SPECC1L: variants seen among roughly 807,000 people sequenced by gnomAD.
SPECC1L encodes the protein sperm antigen with calponin homology and coiled-coil domains 1 like.
SPECC1L carries 40 observed loss-of-function variants against 116.8 expected under a neutral mutation model. The observed-to-expected ratio is 0.34, with a 90% CI of 0.27 to 0.45. The LOEUF is 0.45. Among genes scored for constraint, SPECC1L ranks in the 20% least tolerant of loss-of-function variants. The pLI is 1.00. For missense variants in SPECC1L, 1,110 were observed against 1,373.6 expected, an observed-to-expected ratio of 0.81 and a Z score of 3.03; for synonymous variants, 504 against 500.6, an observed-to-expected ratio of 1.01 and a Z score of -0.09.
At chr22:24,329,980 A>G (rs1235392617) in intron 7 of SPECC1L, among the ~76,000 whole-genome samples, 1 of 152,198 alleles carries the variant, frequency 6.6e-6, no homozygotes, top group Non-Finnish European at 1.5e-5. Flanking sequence ...GAAGCTTGAC[A>G]TTATTATCAT....
At chr22:24,327,831 G>T (rs1242477239) in intron 6 of SPECC1L, among the ~76,000 whole-genome samples, 1 of 152,212 alleles carries the variant, frequency 6.6e-6, no homozygotes, top group Non-Finnish European at 1.5e-5. Context: ...GGTCGAGACA[G>T]ATGTGTCGAG....
At chr22:24,286,886 C>CTACAAA (rs1487089523) in intron 2 of SPECC1L, among the ~76,000 whole-genome samples, 2 of 152,050 alleles carry the variant, frequency 1.3e-5, no homozygotes, top group Non-Finnish European at 2.9e-5. Flanking sequence ...CCAGCCTGGG[C>CTACAAA]TACAAAGCGA....
At chr22:24,342,672 C>CAAAAAA (rs35947804) in intron 10 of SPECC1L, among the ~76,000 whole-genome samples, 5 of 102,144 alleles carry the variant, frequency 4.9e-5, no homozygotes, top group African/African-American at 7.2e-5. Flanking sequence ...GACTCCATCT[C>CAAAAAA]AAAAAAAAAA....
intron 14 of SPECC1L, among the ~76,000 whole-genome samples, chr22:24,408,094 C>T (rs1279121910): frequency 1.3e-5 from 2 of 151,758 alleles, no homozygotes; most frequent in Admixed American, 1.3e-4. Flanking sequence ...GTACTGCTCA[C>T]AGGATGCCTA....
chr22:24,405,256 C>CT (rs1556313548), intron 14 of SPECC1L, among the ~76,000 whole-genome samples: 2 of 152,066 alleles, frequency 1.3e-5, no homozygotes, highest in Non-Finnish European at 2.9e-5. Context: ...TCCAAACCCC[C>CT]TTAGAGAGAA....
At chr22:24,377,380 A>G (rs548317221) in intron 14 of SPECC1L, among the ~76,000 whole-genome samples, 1 of 152,130 alleles carries the variant, frequency 6.6e-6, no homozygotes, top group South Asian at 2.1e-4. Context: ...TTCCCACCTC[A>G]GCCTCCCAAG....
intron 10 of SPECC1L, among the ~76,000 whole-genome samples, chr22:24,341,052 A>G (rs1056056951): frequency 2.0e-5 from 3 of 152,150 alleles, no homozygotes; most frequent in Admixed American, 1.3e-4. Flanking sequence ...CCTGGAGGCA[A>G]TTTCCAGGTG....
In SPECC1L at chr22:24,343,262, A is replaced by G. The variant is rs2041216801; in HGVS notation, c.2653-3824A>G. On this transcript the variant is annotated intron_variant, in intron 10 of 16. Coordinates refer to ENST00000314328, the MANE Select transcript of SPECC1L (RefSeq NM_015330.6). The stretch of plus-strand genomic sequence containing the variant: ...CAAATTTGATGGAAATTATATACTC[A>G]TAGATCCAAGAAAATCAGGAAGCTA... Among the ~76,000 whole-genome samples, 7 of 152,328 alleles carry G rather than the reference A, an allele frequency of 4.6e-5. No homozygotes were observed. The South Asian group carries it at 1.4e-3, about 32-fold the overall frequency.
intron 14 of SPECC1L, among the ~76,000 whole-genome samples, chr22:24,380,206 C>T (rs920568377): frequency 1.3e-5 from 2 of 152,180 alleles, no homozygotes; most frequent in African/African-American, 4.8e-5. Flanking sequence ...AAAGCCATAT[C>T]TAATAGTGTT....
intron 16 of SPECC1L, 131 bp downstream of exon 16, chr22:24,412,838 T>C: frequency 1.1e-6 from 1 of 949,464 alleles, no homozygotes; most frequent in Non-Finnish European, 1.7e-6. Flanking sequence ...TATGGGGTGC[T>C]CTGGGGCCAA....
rs544558085 is a variant in SPECC1L at position 24,348,252 on chromosome 22, C to T, written c.2743+1076C>T. On this transcript the variant is annotated intron_variant, in intron 11 of 16. Coordinates refer to ENST00000314328, the MANE Select transcript of SPECC1L (RefSeq NM_015330.6). ...CATGCGTCAGGAATTCTTGGTTGTG[C>T]ATGTTAGGCTGTGTATGTTAGACTA... Among the ~76,000 whole-genome samples, 6 of 152,214 alleles carry T rather than the reference C, an allele frequency of 3.9e-5. No homozygotes were observed. In the East Asian group the frequency reaches 9.6e-4, roughly 24 times the overall value.
chr22:24,375,779 T>TC (rs1313239634), intron 14 of SPECC1L, among the ~76,000 whole-genome samples: 8 of 151,988 alleles, frequency 5.3e-5, no homozygotes, highest in Non-Finnish European at 1.0e-4. Flanking sequence ...CATGCAAAAC[T>TC]CCATCTTTAC....
chr22:24,352,494 A>G (rs1333872265), intron 11 of SPECC1L, among the ~76,000 whole-genome samples: 1 of 152,206 alleles, frequency 6.6e-6, no homozygotes, highest in Non-Finnish European at 1.5e-5. Flanking sequence ...AAATTGTGTT[A>G]CTTGAGGCCA....
chr22:24,368,645 T>G (rs1357241414), intron 13 of SPECC1L, among the ~76,000 whole-genome samples: 2 of 152,088 alleles, frequency 1.3e-5, no homozygotes, highest in African/African-American at 4.8e-5. Context: ...AAACGGTTAT[T>G]TTATTTTATT....
rs551947640 is a variant in SPECC1L at position 24,307,877 on chromosome 22, A to G, written c.154-5436A>G. On this transcript the variant is annotated intron_variant, in intron 3 of 16. Coordinates refer to ENST00000314328, the MANE Select transcript of SPECC1L (RefSeq NM_015330.6). ...TTCTAAAAGTGTTTTTCTAAATTTC[A>G]TATTTAGATCCTCAATCTGTCTGGA... 3.3e-5 allele frequency among the ~76,000 whole-genome samples: 5 copies of G among 151,356 alleles called. No homozygotes were observed. In the South Asian group the frequency reaches 1.0e-3, roughly 32 times the overall value.
At chr22:24,320,331 A>G (rs1233639935) in intron 4 of SPECC1L, among the ~76,000 whole-genome samples, 1 of 152,202 alleles carries the variant, frequency 6.6e-6, no homozygotes, top group Non-Finnish European at 1.5e-5. Context: ...TTTGTATTAA[A>G]CAAATGATTG....
At chr22:24,386,084 T>G (rs1267634267) in intron 14 of SPECC1L, among the ~76,000 whole-genome samples, 1 of 151,592 alleles carries the variant, frequency 6.6e-6, no homozygotes, top group African/African-American at 2.4e-5. Context: ...AACAAAAGCA[T>G]TTGATAAAAT....
chr22:24,310,365 G>A (rs980796051), intron 3 of SPECC1L, among the ~76,000 whole-genome samples: 1 of 152,214 alleles, frequency 6.6e-6, no homozygotes, highest in African/African-American at 2.4e-5. Context: ...TGTATCTTCA[G>A]GTTAAATTCC....
intron 2 of SPECC1L, among the ~76,000 whole-genome samples, chr22:24,301,213 C>T (rs1218293137): frequency 6.6e-6 from 1 of 152,090 alleles, no homozygotes; most frequent in Non-Finnish European, 1.5e-5. Context: ...TTGCAATCTC[C>T]CCATCTAACA....
Sources: gnomAD v4.1 joint callset for allele counts (sites outside exome capture counted in the v4.1 genomes callset) on GRCh38, gnomAD v4.1.1 for gene constraint, MANE v1.5 for transcripts, NCBI Gene and HGNC (gene_info 2026-07-23, HGNC 2026-07-21) for gene names.